The following ZNF385B variants were observed in gnomAD, a reference collection of about 807,000 sequenced individuals.
The protein encoded by ZNF385B is zinc finger protein 385B, also known as zinc finger protein 533.
A neutral mutation model predicts 39.2 loss-of-function variants in ZNF385B; 23 were observed. The observed-to-expected ratio is 0.59, with a 90% CI of 0.42 to 0.83. ZNF385B has a LOEUF of 0.83. Among genes scored for constraint, ZNF385B ranks in the 40% least tolerant of loss-of-function variants. ZNF385B has a pLI of 0.00. For synonymous variants in ZNF385B, 205 were observed against 222.6 expected (o/e 0.92, Z 0.70); for missense variants, 552 against 598.9 (o/e 0.92, Z 0.82).
rs1220406271 is a variant in ZNF385B at position 179,634,825 on chromosome 2, T to C, written c.299-89856A>G. Reference sequence around the variant, plus strand: ...ACCCAGATGTCCCTCAATGATAGACTGGATTAAGAAAATGTGGCACATGGC... The same window carrying C: ...ACCCAGATGTCCCTCAATGATAGACCGGATTAAGAAAATGTGGCACATGGC... On this transcript the variant is annotated intron_variant, in intron 3 of 9. Transcript: ENST00000410066. Among the ~76,000 whole-genome samples the C allele has an allele frequency of 2.0e-5, 3 of 152,100 alleles. No homozygotes were observed. The East Asian group carries it at 5.8e-4, about 29-fold the overall frequency.
At chr2:179,843,054 C>A (rs1326578610) in intron 1 of ZNF385B, among the ~76,000 whole-genome samples, 2 of 152,150 alleles carry the variant, frequency 1.3e-5, no homozygotes, top group African/African-American at 4.8e-5. Context: ...AGATGCAGAC[C>A]ATTGTATCCA....
At chr2:179,760,223 C>CGTGTGTGT (rs1553525685) in intron 3 of ZNF385B, among the ~76,000 whole-genome samples, 5 of 144,474 alleles carry the variant, frequency 3.5e-5, no homozygotes, top group African/African-American at 1.0e-4. Flanking sequence ...TTCCTGTGTG[C>CGTGTGTGT]GTGTGTGTGT....
intron 5 of ZNF385B, among the ~76,000 whole-genome samples, chr2:179,488,765 C>A (rs912670186): frequency 6.6e-6 from 1 of 152,078 alleles, no homozygotes; most frequent in Admixed American, 6.6e-5. Flanking sequence ...TAGCAAAGGT[C>A]AGCTAATTTT....
At chr2:179,461,986 C>G (rs189347135) in intron 6 of ZNF385B, among the ~76,000 whole-genome samples, 2 of 152,240 alleles carry the variant, frequency 1.3e-5, no homozygotes, top group Admixed American at 1.3e-4. Flanking sequence ...TCTCAGGTCA[C>G]CAAGGCCACA....
intron 3 of ZNF385B, among the ~76,000 whole-genome samples, chr2:179,589,097 CAAAG>C (rs1687343475): frequency 6.6e-6 from 1 of 152,044 alleles, no homozygotes; most frequent in Admixed American, 6.6e-5. Context: ...TTTTCAGTGA[CAAAG>C]AAGCATTAAA....
At chr2:179,501,544 G>A (rs1339774395) in intron 5 of ZNF385B, among the ~76,000 whole-genome samples, 1 of 152,110 alleles carries the variant, frequency 6.6e-6, no homozygotes, top group Non-Finnish European at 1.5e-5. Context: ...TTAAAGTCAT[G>A]GACACAGAGA....
intron 3 of ZNF385B, among the ~76,000 whole-genome samples, chr2:179,746,216 T>C (rs972896886): frequency 3.3e-5 from 5 of 152,144 alleles, no homozygotes; most frequent in Non-Finnish European, 7.4e-5. Context: ...GAATCATCTA[T>C]TGAAATTGTG....
At chr2:179,756,271 T>A (rs1016249844) in intron 3 of ZNF385B, among the ~76,000 whole-genome samples, 47 of 152,226 alleles carry the variant, frequency 3.1e-4, no homozygotes, top group African/African-American at 1.1e-3. Flanking sequence ...AATTCTGGGT[T>A]GAAAATTCTT....
intron 1 of ZNF385B, among the ~76,000 whole-genome samples, chr2:179,813,126 A>T (rs1256364984): frequency 6.6e-6 from 1 of 152,160 alleles, no homozygotes; most frequent in Non-Finnish European, 1.5e-5. Flanking sequence ...TCACTATCTC[A>T]TGATTATATA....
intron 3 of ZNF385B, among the ~76,000 whole-genome samples, chr2:179,557,562 AT>A (rs1273202252): frequency 5.6e-4 from 55 of 98,726 alleles, no homozygotes; most frequent in South Asian, 4.8e-3. Context: ...TATACATGTT[AT>A]ATATGTATGT....
intron 5 of ZNF385B, among the ~76,000 whole-genome samples, chr2:179,496,208 A>G (rs1317163236): frequency 1.3e-5 from 2 of 152,230 alleles, no homozygotes; most frequent in Admixed American, 6.5e-5. Context: ...AATTCATCAG[A>G]GTTCTTTAAT....
At chr2:179,834,418 G>T (rs1329635865) in intron 1 of ZNF385B, among the ~76,000 whole-genome samples, 1 of 152,048 alleles carries the variant, frequency 6.6e-6, no homozygotes, top group Non-Finnish European at 1.5e-5. Flanking sequence ...GCCTGAAGGG[G>T]CTCTTACTAG....
intron 5 of ZNF385B, among the ~76,000 whole-genome samples, chr2:179,498,187 C>T (rs2056422577): frequency 6.6e-6 from 1 of 152,060 alleles, no homozygotes; most frequent in Non-Finnish European, 1.5e-5. Flanking sequence ...AAGACTTAGT[C>T]TATACTATAG....
intron 1 of ZNF385B, among the ~76,000 whole-genome samples, chr2:179,839,573 A>C (rs947546605): frequency 2.0e-5 from 3 of 152,210 alleles, no homozygotes; most frequent in African/African-American, 7.2e-5. Context: ...AGACACTCAA[A>C]AATCTCAGTG....
chr2:179,812,831 A>AT (rs1706821056), intron 1 of ZNF385B, among the ~76,000 whole-genome samples: 1 of 152,126 alleles, frequency 6.6e-6, no homozygotes. Context: ...GTAAAGTTTG[A>AT]TTTTTTAAAT....
intron 3 of ZNF385B, among the ~76,000 whole-genome samples, chr2:179,672,491 A>C (rs1401578401): frequency 6.6e-6 from 1 of 152,166 alleles, no homozygotes. Context: ...GAAGAAAGAC[A>C]TGAGGTTTAG....
intron 3 of ZNF385B, among the ~76,000 whole-genome samples, chr2:179,716,147 T>C (rs879639041): frequency 6.6e-6 from 1 of 151,962 alleles, no homozygotes; most frequent in Non-Finnish European, 1.5e-5. Context: ...TCAGTCACTA[T>C]TTTTTTTATC....
intron 3 of ZNF385B, among the ~76,000 whole-genome samples, chr2:179,766,950 A>T (rs1703733773): frequency 6.6e-6 from 1 of 151,800 alleles, no homozygotes; most frequent in African/African-American, 2.4e-5. Context: ...CCCGCAGTCC[A>T]CTCCACCTGT....
chr2:179,496,491 A>C (rs1447389748), intron 5 of ZNF385B, among the ~76,000 whole-genome samples: 2 of 152,178 alleles, frequency 1.3e-5, no homozygotes, highest in Admixed American at 1.3e-4. Flanking sequence ...AAGTACAAGA[A>C]GGTTTAGAAC....
Sources: gnomAD v4.1 joint callset for allele counts (sites outside exome capture counted in the v4.1 genomes callset) on GRCh38, gnomAD v4.1.1 for gene constraint, MANE v1.5 for transcripts, NCBI Gene and HGNC (gene_info 2026-07-23, HGNC 2026-07-21) for gene names.